RASAL2: variants seen among roughly 807,000 people sequenced by gnomAD.
RASAL2 encodes ras GTPase-activating protein nGAP.
RASAL2 carries 58 observed loss-of-function variants against 128.9 expected under a neutral mutation model. That is an observed-to-expected ratio of 0.45 (90% CI 0.36 to 0.56). The LOEUF is 0.56. RASAL2 is among the 20% of genes least tolerant of loss of function. RASAL2 has a pLI of 0.00. For synonymous variants in RASAL2, 561 were observed against 580.8 expected (o/e 0.97, Z 0.49); for missense variants, 1,360 against 1,601.6 (o/e 0.85, Z 2.57).
chr1:178,411,912 CT>C, intron 4 of RASAL2: 1 of 671,596 alleles, frequency 1.5e-6, no homozygotes. Flanking sequence ...CTTCAGAGCC[CT>C]TGCCCGCTTG....
At chr1:178,216,276 A>G (rs977918165) in intron 1 of RASAL2, among the ~76,000 whole-genome samples, 1 of 152,222 alleles carries the variant, frequency 6.6e-6, no homozygotes, top group Non-Finnish European at 1.5e-5. Flanking sequence ...GAGATTTTAA[A>G]AAAGGCTCGA....
chr1:178,146,021 A>G (rs1660720379), intron 1 of RASAL2, among the ~76,000 whole-genome samples: 1 of 152,240 alleles, frequency 6.6e-6, no homozygotes, highest in East Asian at 1.9e-4. Flanking sequence ...ATTGGATAGG[A>G]AAATAGCATT....
chr1:178,398,137 C>T (rs1016741394), intron 4 of RASAL2, among the ~76,000 whole-genome samples: 9 of 151,554 alleles, frequency 5.9e-5, no homozygotes, highest in Admixed American at 5.9e-4. Context: ...TTTAGTTAAT[C>T]GTTTCTGATA....
intron 1 of RASAL2, among the ~76,000 whole-genome samples, chr1:178,216,767 T>C (rs1255330032): frequency 6.6e-6 from 1 of 150,550 alleles, no homozygotes; most frequent in African/African-American, 2.4e-5. Context: ...AGCCTCCTGA[T>C]TAGCTGGGAT....
chr1:178,467,560 A>C, intron 17 of RASAL2, 139 bp downstream of exon 17: 2 of 674,594 alleles, frequency 3.0e-6, no homozygotes, highest in Non-Finnish European at 5.2e-6. Context: ...TTGAAGATTA[A>C]ATGAGTGTCT....
intron 1 of RASAL2, among the ~76,000 whole-genome samples, chr1:178,203,184 G>C (rs758264803): frequency 1.9e-4 from 29 of 152,282 alleles, no homozygotes; most frequent in South Asian, 1.9e-3. Flanking sequence ...TGGACTCAAG[G>C]AATGCCTTAT....
chr1:178,318,182 T>G (rs1341082838), intron 3 of RASAL2, among the ~76,000 whole-genome samples: 1 of 151,846 alleles, frequency 6.6e-6, no homozygotes, highest in East Asian at 1.9e-4. Flanking sequence ...TTCTGTTCTT[T>G]TACATTTGCT....
At chr1:178,132,766 A>ATTTTT (rs35326037) in intron 1 of RASAL2, among the ~76,000 whole-genome samples, 1 of 130,060 alleles carries the variant, frequency 7.7e-6, no homozygotes, top group Admixed American at 7.9e-5. Context: ...ACAATTCAGA[A>ATTTTT]TTTTTTTTTT....
chr1:178,105,218 G>C (rs1333517270), intron 1 of RASAL2, among the ~76,000 whole-genome samples: 1 of 152,144 alleles, frequency 6.6e-6, no homozygotes, highest in Admixed American at 6.5e-5. Context: ...TAATATTAAT[G>C]ATTAAAGTAA....
chr1:178,360,515 T>C (rs1671050245), intron 3 of RASAL2, among the ~76,000 whole-genome samples: 2 of 152,230 alleles, frequency 1.3e-5, no homozygotes, highest in Admixed American at 6.5e-5. Context: ...ATCCACGATA[T>C]AGACCTGGTT....
intron 1 of RASAL2, among the ~76,000 whole-genome samples, chr1:178,202,460 T>G (rs1283384116): frequency 1.3e-5 from 2 of 152,166 alleles, no homozygotes; most frequent in Non-Finnish European, 2.9e-5. Flanking sequence ...TACAGCCCCT[T>G]TCTAGGACAT....
chr1:178,366,212 T>C (rs1671390228), intron 3 of RASAL2, among the ~76,000 whole-genome samples: 1 of 152,144 alleles, frequency 6.6e-6, no homozygotes, highest in Non-Finnish European at 1.5e-5. Context: ...AATGCATATA[T>C]ATAATAAAAA....
intron 3 of RASAL2, among the ~76,000 whole-genome samples, chr1:178,331,788 T>C (rs1017058083): frequency 1.3e-5 from 2 of 151,930 alleles, no homozygotes; most frequent in Admixed American, 6.6e-5. Flanking sequence ...GGGGTTTCAC[T>C]ATGTTGGCCA....
chr1:178,281,369 A>G (rs1325529853), intron 1 of RASAL2, among the ~76,000 whole-genome samples: 1 of 152,122 alleles, frequency 6.6e-6, no homozygotes, highest in African/African-American at 2.4e-5. Context: ...TCACAATACC[A>G]TGAAGAAATT....
In RASAL2 at chr1:178,369,415, G is replaced by C. The variant is rs181042094; in HGVS notation, c.458-20685G>C. ...TTTTTTGTATTTTTATTAGAAACAG[G>C]GTTTCACCATGTTGGCCAGGCTCGT... is the stretch of plus-strand genomic sequence containing the variant. On this transcript the variant is annotated intron_variant, in intron 3 of 17. Transcript: ENST00000367649. Among the ~76,000 whole-genome samples the C allele has an allele frequency of 9.5e-4, 145 of 151,990 alleles. 5 individuals are homozygous for C. Among genetic ancestry groups the C allele is most frequent in the Admixed American group, 8.5e-3 (130 of 15,260 alleles).
intron 1 of RASAL2, among the ~76,000 whole-genome samples, chr1:178,107,539 A>C (rs1659139756): frequency 1.3e-5 from 2 of 152,318 alleles, no homozygotes; most frequent in East Asian, 3.9e-4. Flanking sequence ...TATTAAATAC[A>C]TTCATAATGT....
rs113165801 is a variant in RASAL2, at chr1:178,210,345, T to C, written c.203-73219T>C. On this transcript the variant is annotated intron_variant, in intron 1 of 17. Transcript: ENST00000367649. ...CAAACACATCATATCTCTGTTAATG[T>C]TTCTGTTAATATATTTTTGTTGCCT... is the stretch of plus-strand genomic sequence containing the variant. Among the ~76,000 whole-genome samples, 622 of 152,294 alleles carry C rather than the reference T, an allele frequency of 4.1e-3. 3 individuals carry two copies. Among genetic ancestry groups the C allele is most frequent in the African/African-American group, 0.014 (566 of 41,570 alleles).
chr1:178,445,676 A>G lies in RASAL2; in HGVS notation c.1627+14A>G. ...ATGACGCACTGGGTATGAAAGAGAA[A>G]AACATCTATTTTCTTTTATTTACTT... On this transcript the variant is annotated intron_variant, in intron 9 of 17. Coordinates refer to ENST00000367649, the MANE Select transcript of RASAL2 (RefSeq NM_170692.4). 1.3e-6 allele frequency: 2 copies of G among 1,593,402 alleles called. No individual in the cohort carries two copies. Among genetic ancestry groups the G allele is most frequent in the Non-Finnish European group, 1.7e-6 (2 of 1,171,066 alleles).
intron 3 of RASAL2, among the ~76,000 whole-genome samples, chr1:178,379,977 T>TGCCTCCCAGCCTCAGCGCCCC (rs1043823730): frequency 6.6e-6 from 1 of 152,188 alleles, no homozygotes; most frequent in Non-Finnish European, 1.5e-5. Flanking sequence ...CTCAGCGCCT[T>TGCCTCCCAGCCTCAGCGCCCC]GCCTCCCAGC....
Sources: allele counts gnomAD v4.1 joint callset (sites outside exome capture counted in the v4.1 genomes callset), GRCh38; gene constraint gnomAD v4.1.1; transcripts MANE v1.5; gene names NCBI Gene and HGNC (gene_info 2026-07-23, HGNC 2026-07-21).